NYAP2: variants seen among roughly 807,000 people sequenced by gnomAD.
NYAP2 encodes the protein neuronal tyrosine-phosphorylated phosphoinositide-3-kinase adapter 2.
Under a neutral mutation model 50.4 loss-of-function variants are expected in NYAP2, and 23 were observed. The ratio of observed to expected loss-of-function variants is 0.46; its 90% CI spans 0.33 to 0.65. NYAP2 has a LOEUF of 0.65. NYAP2 is among the 30% of genes least tolerant of loss of function. The probability of loss-of-function intolerance (pLI) is 0.02; values close to 1 mark genes in which losing one functional copy is unlikely to be tolerated. For missense variants in NYAP2, 885 were observed against 861.0 expected (o/e 1.03, Z -0.35); for synonymous variants, 394 against 365.2 (o/e 1.08, Z -0.90).
At chr2:225,464,927 GATA>G (rs1481242924) in intron 3 of NYAP2, among the ~76,000 whole-genome samples, 1 of 152,142 alleles carries the variant, frequency 6.6e-6, no homozygotes, top group Non-Finnish European at 1.5e-5. Context: ...TTCACATTGG[GATA>G]ATATTTGTGT....
intron 2 of NYAP2, among the ~76,000 whole-genome samples, chr2:225,407,834 G>A (rs973598491): frequency 1.3e-5 from 2 of 151,884 alleles, no homozygotes. Flanking sequence ...AATTAGGACA[G>A]TAAGCCTTCC....
In NYAP2 at chr2:225,637,195, T is replaced by C. The variant is rs574753345; in HGVS notation, c.1828+10069T>C. Among the ~76,000 whole-genome samples the C allele has an allele frequency of 2.0e-5, 3 of 152,334 alleles. No individual in the cohort carries two copies. In the East Asian group the frequency reaches 5.8e-4, roughly 29 times the overall value. ...TGCCTTTTCCTTCATCATCTCACTT[T>C]AGGAAGTATTTGTGTTAAACCATCA... On this transcript the variant is annotated intron_variant, in intron 6 of 6. Coordinates refer to ENST00000636099, the Ensembl canonical transcript of NYAP2.
chr2:225,557,843 C>A (rs1691805576), intron 4 of NYAP2, among the ~76,000 whole-genome samples: 1 of 152,052 alleles, frequency 6.6e-6, no homozygotes, highest in Non-Finnish European at 1.5e-5. Flanking sequence ...TACAATGTGC[C>A]CAGTTATTTT....
chr2:225,429,363 T>C (rs957527049), intron 3 of NYAP2, among the ~76,000 whole-genome samples: 2 of 152,234 alleles, frequency 1.3e-5, no homozygotes, highest in African/African-American at 4.8e-5. Flanking sequence ...CTTGAAAGTT[T>C]CCAAAGCCAC....
chr2:225,618,988 T>C (rs1428278381), intron 5 of NYAP2, among the ~76,000 whole-genome samples: 1 of 152,216 alleles, frequency 6.6e-6, no homozygotes, highest in Non-Finnish European at 1.5e-5. Flanking sequence ...TGCTAAGTTG[T>C]GGGCACTCTC....
chr2:225,687,070 G>C, the NYAP2 span, among the ~76,000 whole-genome samples: 3 of 152,138 alleles, frequency 2.0e-5, no homozygotes, highest in Non-Finnish European at 4.4e-5. Flanking sequence ...GAAGCAATCT[G>C]CTATAATACT....
intron 4 of NYAP2, among the ~76,000 whole-genome samples, chr2:225,527,671 GTCTT>G (rs1691176685): frequency 6.6e-6 from 1 of 151,900 alleles, no homozygotes; most frequent in Non-Finnish European, 1.5e-5. Flanking sequence ...CTGTGACAGG[GTCTT>G]TCTTCTCTGT....
intron 3 of NYAP2, among the ~76,000 whole-genome samples, chr2:225,494,791 A>G (rs1390053149): frequency 6.6e-6 from 1 of 152,204 alleles, no homozygotes; most frequent in Non-Finnish European, 1.5e-5. Context: ...AGGTTGAATC[A>G]GGTGGTGGCT....
intron 5 of NYAP2, among the ~76,000 whole-genome samples, chr2:225,602,066 A>G (rs1179887613): frequency 1.3e-5 from 2 of 152,176 alleles, no homozygotes; most frequent in African/African-American, 4.8e-5. Context: ...TTATTATGCA[A>G]AAGAGGAAAG....
At chr2:225,649,608 G>T (rs187407462) in intron 6 of NYAP2, among the ~76,000 whole-genome samples, 1 of 152,286 alleles carries the variant, frequency 6.6e-6, no homozygotes, top group Admixed American at 6.5e-5. Flanking sequence ...GGGCTCAAGT[G>T]ATCCACCCGC....
chr2:225,484,369 C>A (rs1280915918), intron 3 of NYAP2, among the ~76,000 whole-genome samples: 2 of 152,226 alleles, frequency 1.3e-5, no homozygotes, highest in East Asian at 3.8e-4. Flanking sequence ...CTTATATCTG[C>A]AGCTTCAGGC....
rs1462652538 is a variant in NYAP2, at chr2:225,598,413, T to TG, written c.1618+15379dup. On this transcript the variant is annotated intron_variant, in intron 5 of 6. Coordinates refer to ENST00000636099, the Ensembl canonical transcript of NYAP2. ...TCATTAAGTGGAAACCAAGAATAGTTGAAGTACTTAATATCAAAAATAATT... is the reference window on the plus strand; with the variant it reads ...TCATTAAGTGGAAACCAAGAATAGTTGGAAGTACTTAATATCAAAAATAATT... 2.0e-5 allele frequency among the ~76,000 whole-genome samples: 3 copies of TG among 152,206 alleles called. No individual in the cohort carries two copies. In the East Asian group the frequency reaches 5.8e-4, roughly 29 times the overall value.
At chr2:225,550,256 A>C (rs1324634963) in intron 4 of NYAP2, among the ~76,000 whole-genome samples, 1 of 152,038 alleles carries the variant, frequency 6.6e-6, no homozygotes, top group Non-Finnish European at 1.5e-5. Flanking sequence ...CAAAAGCAAT[A>C]CTCATTCAGT....
the NYAP2 span, among the ~76,000 whole-genome samples, chr2:225,660,807 AT>A: frequency 1.3e-5 from 2 of 152,070 alleles, no homozygotes; most frequent in East Asian, 1.9e-4. Context: ...TTTGTTTTGA[AT>A]TTTTTTCGTT....
the NYAP2 span, among the ~76,000 whole-genome samples, chr2:225,676,393 T>C: frequency 6.6e-6 from 1 of 152,134 alleles, no homozygotes; most frequent in African/African-American, 2.4e-5. Flanking sequence ...CCAGCACCAT[T>C]TATTGAATAG....
At chr2:225,588,987 C>T (rs971649531) in intron 5 of NYAP2, among the ~76,000 whole-genome samples, 2 of 151,962 alleles carry the variant, frequency 1.3e-5, no homozygotes, top group East Asian at 1.9e-4. Context: ...CTGTGGTTTT[C>T]CTACCTTCTC....
At chr2:225,660,592 C>A in the NYAP2 span, among the ~76,000 whole-genome samples, 1 of 151,906 alleles carries the variant, frequency 6.6e-6, no homozygotes, top group African/African-American at 2.4e-5. Context: ...TCAGATGGGG[C>A]GGGCCAACTC....
At chr2:225,544,951 A>G (rs572981597) in intron 4 of NYAP2, among the ~76,000 whole-genome samples, 1 of 152,162 alleles carries the variant, frequency 6.6e-6, no homozygotes, top group African/African-American at 2.4e-5. Context: ...TTTTTGCTAG[A>G]CATACTATTC....
At chr2:225,448,209 T>C (rs1266941968) in intron 3 of NYAP2, among the ~76,000 whole-genome samples, 1 of 152,166 alleles carries the variant, frequency 6.6e-6, no homozygotes, top group Non-Finnish European at 1.5e-5. Context: ...AGTTGGAATC[T>C]TTTCAGCCAA....
Sources: allele counts gnomAD v4.1 joint callset (sites outside exome capture counted in the v4.1 genomes callset), GRCh38; gene constraint gnomAD v4.1.1; transcripts MANE v1.5; gene names NCBI Gene and HGNC (gene_info 2026-07-23, HGNC 2026-07-21).